The following MYO9A variants were observed in gnomAD, a reference collection of about 807,000 sequenced individuals.
MYO9A encodes unconventional myosin-IXa.
In MYO9A, 103 loss-of-function variants were observed where a neutral mutation model predicts 293.3. That is an observed-to-expected ratio of 0.35 (90% confidence interval 0.30 to 0.41). The LOEUF (loss-of-function observed/expected upper bound fraction) is 0.41. Among genes scored for constraint, MYO9A ranks in the 10% least tolerant of loss-of-function variants. MYO9A has a pLI of 1.00. For missense variants in MYO9A, 2,685 were observed against 3,033.0 expected, an observed-to-expected ratio of 0.89 and a Z score of 2.69; for synonymous variants, 1,001 against 1,035.7, an observed-to-expected ratio of 0.97 and a Z score of 0.64.
intron 16 of MYO9A, among the ~76,000 whole-genome samples, chr15:71,935,799 CTT>C (rs890829137): frequency 3.9e-5 from 6 of 151,994 alleles, no homozygotes; most frequent in African/African-American, 1.2e-4. Context: ...TATCTTCCCT[CTT>C]TGTTAGATTT....
chr15:71,974,951 TG>T (rs2076099417), intron 12 of MYO9A, among the ~76,000 whole-genome samples: 1 of 152,196 alleles, frequency 6.6e-6, no homozygotes, highest in Admixed American at 6.5e-5. Flanking sequence ...CAGGAATAAA[TG>T]GGTTATTCAT....
At chr15:71,887,408 G>A (rs2142880097) in intron 27 of MYO9A, among the ~76,000 whole-genome samples, 1 of 152,248 alleles carries the variant, frequency 6.6e-6, no homozygotes, top group Non-Finnish European at 1.5e-5. Context: ...CTAAAAGCAG[G>A]ATATAAATTT....
intron 1 of MYO9A, among the ~76,000 whole-genome samples, chr15:72,047,905 G>A (rs1370040379): frequency 1.3e-5 from 2 of 150,436 alleles, no homozygotes; most frequent in Non-Finnish European, 3.0e-5. Flanking sequence ...AACCTGGCTG[G>A]GACTACAGGT....
At chr15:71,880,274 T>C (rs1023895069) in intron 29 of MYO9A, 61 bp downstream of exon 29, 6 of 1,364,288 alleles carry the variant, frequency 4.4e-6, no homozygotes, top group South Asian at 1.2e-5. Context: ...TATATCCTGA[T>C]ATACACAAGT....
intron 1 of MYO9A, among the ~76,000 whole-genome samples, chr15:72,049,751 T>C (rs1481408528): frequency 6.6e-6 from 1 of 152,230 alleles, no homozygotes; most frequent in Non-Finnish European, 1.5e-5. Context: ...CCAGAGAATC[T>C]AACTAATCAT....
chr15:71,965,943 C>A (rs1413504832), intron 13 of MYO9A, among the ~76,000 whole-genome samples: 5 of 151,824 alleles, frequency 3.3e-5, no homozygotes, highest in Non-Finnish European at 5.9e-5. Context: ...ATGGCACTAT[C>A]TCGGCTCAAT....
intron 11 of MYO9A, among the ~76,000 whole-genome samples, chr15:71,978,826 C>T (rs1038224340): frequency 1.1e-4 from 17 of 150,514 alleles, no homozygotes; most frequent in Admixed American, 2.6e-4. Context: ...TTAAAAAACT[C>T]GAGGTTCAGG....
chr15:71,935,216 G>T, intron 17 of MYO9A, 125 bp downstream of exon 17: 1 of 1,045,948 alleles, frequency 9.6e-7, no homozygotes, highest in Non-Finnish European at 1.3e-6. Context: ...TCTTGTTTCA[G>T]TCAAAATTCT....
In MYO9A at chr15:71,880,538, T is replaced by C. The variant is rs1238591248; in HGVS notation, c.5419A>G (p.Thr1807Ala). The C allele has an allele frequency of 1.9e-6, 3 of 1,613,996 alleles. No homozygotes were observed. The highest frequency in any genetic ancestry group is 1.3e-5 in the African/African-American group (1 of 75,026). ...FPDELAAYHP[T>A]PPLSPELPGS... ...GGCAGTTCTGGGCTCAAAGGAGGTG[T>C]TGGGTGATATGCAGCTAATTCTACA... Residue 1807 changes from threonine to alanine, a missense_variant, in exon 29 of 42, where the codon ACA (threonine) becomes GCA (alanine). Thr to Ala is a moderately conservative substitution (Grantham distance 58). Coordinates refer to ENST00000356056, the MANE Select transcript of MYO9A (RefSeq NM_006901.4).
chr15:72,031,213 T>C (rs917018416), intron 3 of MYO9A, among the ~76,000 whole-genome samples: 1 of 152,100 alleles, frequency 6.6e-6, no homozygotes, highest in Admixed American at 6.5e-5. Context: ...ACCACTGCAG[T>C]AAGAGATTAA....
At chr15:71,879,696 T>C in intron 30 of MYO9A, 25 bp downstream of exon 30, 4 of 1,510,676 alleles carry the variant, frequency 2.6e-6, no homozygotes, top group Non-Finnish European at 3.7e-6. Context: ...AACTACTAAA[T>C]ATCTCCTAAC....
At chr15:71,874,759 C>T (rs1567219274) in intron 32 of MYO9A, among the ~76,000 whole-genome samples, 1 of 152,074 alleles carries the variant, frequency 6.6e-6, no homozygotes. Context: ...CAGACTCCTC[C>T]CAAACGCCTT....
At chr15:72,089,973 G>C (rs944164357) in intron 1 of MYO9A, among the ~76,000 whole-genome samples, 2 of 152,130 alleles carry the variant, frequency 1.3e-5, no homozygotes, top group African/African-American at 4.8e-5. Flanking sequence ...ATTTTGTTAA[G>C]CTGTGAGATA....
rs572126122 is a variant in MYO9A at position 72,094,080 on chromosome 15, C to T, written c.-72+23600G>A. On this transcript the variant is annotated intron_variant, in intron 1 of 41. Transcript: ENST00000356056. ...TATAAGAAAGCCAGACACGGTGGCT[C>T]GTAGCTATAATCCCAGGAACTTGAG... 3.3e-5 allele frequency among the ~76,000 whole-genome samples: 3 copies of T among 89,976 alleles called. 1 individual carries two copies. In the Admixed American group the frequency reaches 3.7e-4, roughly 11 times the overall value. 59.0% of individuals were successfully genotyped at this position (89,976 alleles called of 152,430 possible). A position where few individuals can be genotyped will look rare whatever the true frequency, so the allele number is the denominator to read the frequency against.
chr15:71,915,393 AG>A (rs1481109614), intron 19 of MYO9A, among the ~76,000 whole-genome samples: 54 of 151,464 alleles, frequency 3.6e-4, no homozygotes, highest in Admixed American at 3.5e-3. Flanking sequence ...GCACATAATG[AG>A]TTATTTGGCT....
At chr15:71,857,187 CTAAG>C (rs1297732382) in intron 34 of MYO9A, among the ~76,000 whole-genome samples, 2 of 151,980 alleles carry the variant, frequency 1.3e-5, no homozygotes, top group East Asian at 3.9e-4. Context: ...TGATTTGAAA[CTAAG>C]TAATCTAAAG....
At chr15:72,116,226 C>T (rs556275174) in intron 1 of MYO9A, among the ~76,000 whole-genome samples, 6 of 152,270 alleles carry the variant, frequency 3.9e-5, no homozygotes, top group African/African-American at 1.4e-4. Flanking sequence ...AAACTTTTGG[C>T]TTTTACGTCT....
At chr15:71,853,509 C>T (rs148838315) in intron 35 of MYO9A, among the ~76,000 whole-genome samples, 211 of 152,262 alleles carry the variant, frequency 1.4e-3, no homozygotes, top group African/African-American at 4.6e-3. Flanking sequence ...CTCTTGTAGA[C>T]GGAACCTCCT....
At chr15:71,969,159 T>C (rs897858094) in intron 12 of MYO9A, among the ~76,000 whole-genome samples, 3 of 152,150 alleles carry the variant, frequency 2.0e-5, no homozygotes, top group Non-Finnish European at 1.5e-5. Flanking sequence ...TAAATAAAAC[T>C]AGTAAAAACA....
Sources: allele counts gnomAD v4.1 joint callset (sites outside exome capture counted in the v4.1 genomes callset), GRCh38; gene constraint gnomAD v4.1.1; transcripts MANE v1.5; gene names NCBI Gene and HGNC (gene_info 2026-07-23, HGNC 2026-07-21).